The following CTNNAL1 variants were observed in gnomAD, a reference collection of about 807,000 sequenced individuals.
The protein encoded by CTNNAL1 is catenin alpha like 1.
CTNNAL1 carries 69 observed loss-of-function variants against 93.6 expected under a neutral mutation model. The ratio of observed to expected loss-of-function variants is 0.74; its 90% CI spans 0.61 to 0.90. The LOEUF is 0.90. CTNNAL1 is among the 40% of genes least tolerant of loss of function. The probability of loss-of-function intolerance (pLI) is 0.00; values close to 1 mark genes in which losing one functional copy is unlikely to be tolerated. For synonymous variants in CTNNAL1, 286 were observed against 305.4 expected (o/e 0.94, Z 0.66); for missense variants, 836 against 862.0 (o/e 0.97, Z 0.38).
chr9:108,978,064 C>T (rs1351293867), intron 7 of CTNNAL1, among the ~76,000 whole-genome samples: 2 of 152,184 alleles, frequency 1.3e-5, no homozygotes, highest in South Asian at 4.1e-4. Context: ...GGTAAATTTG[C>T]TAAATTTGTG....
intron 11 of CTNNAL1, among the ~76,000 whole-genome samples, chr9:108,960,721 G>C (rs1235620625): frequency 6.6e-6 from 1 of 152,138 alleles, no homozygotes; most frequent in African/African-American, 2.4e-5. Context: ...CTGAGATAAG[G>C]CTTTTTTCTG....
chr9:108,943,828 T>C lies in CTNNAL1; in HGVS notation c.1942-12A>G. ...TCATCGTCTTTCAGCTGAAATGTAA[T>C]TTAACAAGTTATAACAGCCCGCAAC... On this transcript the variant is annotated splice_polypyrimidine_tract_variant and intron_variant, in intron 16 of 18. Coordinates refer to ENST00000325551, the MANE Select transcript of CTNNAL1 (RefSeq NM_003798.4). 6.2e-7 allele frequency: 1 copy of C among 1,611,918 alleles called. No homozygotes were observed. The highest frequency in any genetic ancestry group is 8.5e-7 in the Non-Finnish European group (1 of 1,179,272).
Position 108,972,840 on chromosome 9 carries a change from A to ATG in CTNNAL1, c.1189-9_1189-8dup. 2 of 436,654 alleles carry ATG rather than the reference A, an allele frequency of 4.6e-6. No homozygotes were observed. The highest frequency in any genetic ancestry group is 8.9e-5 in the East Asian group (1 of 11,220). The allele number at this position is 436,654 out of a possible 1,614,324, so 27.0% of individuals were successfully genotyped here. A position where few individuals can be genotyped will look rare whatever the true frequency, so the allele number is the denominator to read the frequency against. On this transcript the variant is annotated splice_region_variant and splice_polypyrimidine_tract_variant and intron_variant, in intron 8 of 18. Transcript: ENST00000325551. ...GTGTCGCTGTACTATGAAGCTGCAG[A>ATG]TGTGTGTGTGGGTGGGGGGGTGGGA...
intron 10 of CTNNAL1, among the ~76,000 whole-genome samples, chr9:108,965,756 C>T (rs1286849306): frequency 2.0e-5 from 3 of 152,180 alleles, no homozygotes; most frequent in African/African-American, 4.8e-5. Flanking sequence ...TTATTATATA[C>T]AAACCTGCAT....
At chr9:108,948,335 T>C in intron 14 of CTNNAL1, 101 bp from the exon 15 acceptor site, 1 of 1,130,590 alleles carries the variant, frequency 8.8e-7, no homozygotes, top group Admixed American at 2.8e-5. Flanking sequence ...TAACAAATCC[T>C]AAATTTTGAA....
At chr9:108,979,190 C>T in intron 7 of CTNNAL1, 91 bp downstream of exon 7, 1 of 1,489,550 alleles carries the variant, frequency 6.7e-7, no homozygotes, top group Non-Finnish European at 9.1e-7. Flanking sequence ...CAAATTCATA[C>T]TCCTGGTGAT....
chr9:108,983,497 G>T (rs1175914322), intron 5 of CTNNAL1, among the ~76,000 whole-genome samples, 182 bp from the exon 6 acceptor site: 1 of 152,042 alleles, frequency 6.6e-6, no homozygotes. Context: ...GCGATAGCAA[G>T]GTTAAATAAA....
At chr9:108,996,014 T>G (rs752026181) in intron 2 of CTNNAL1, among the ~76,000 whole-genome samples, 1 of 151,608 alleles carries the variant, frequency 6.6e-6, no homozygotes, top group African/African-American at 2.4e-5. Flanking sequence ...CAGGCTGGAG[T>G]GCAGTGGCAC....
intron 1 of CTNNAL1, among the ~76,000 whole-genome samples, chr9:109,001,839 C>A (rs1231418973): frequency 6.6e-6 from 1 of 152,184 alleles, no homozygotes; most frequent in African/African-American, 2.4e-5. Flanking sequence ...CTAGAATTAA[C>A]CCACAGAAAC....
chr9:108,998,377 C>T (rs1832099399), intron 2 of CTNNAL1, among the ~76,000 whole-genome samples: 1 of 150,698 alleles, frequency 6.6e-6, no homozygotes, highest in Non-Finnish European at 1.5e-5. Flanking sequence ...GTTCTCCTAA[C>T]TCTTACCTTG....
intron 12 of CTNNAL1, 85 bp downstream of exon 12, chr9:108,955,705 T>G: frequency 8.6e-7 from 1 of 1,157,176 alleles, no homozygotes; most frequent in South Asian, 1.3e-5. Context: ...TTATTTGTGG[T>G]AGAGGGGAGC....
In CTNNAL1 at chr9:108,943,047, A is replaced by G. The variant is rs1346160003; in HGVS notation, c.2056-3T>C. 1.2e-6 allele frequency: 2 copies of G among 1,604,826 alleles called. No homozygotes were observed. The highest frequency in any genetic ancestry group is 1.1e-5 in the South Asian group (1 of 88,354). On this transcript the variant is annotated splice_polypyrimidine_tract_variant and splice_region_variant and intron_variant, in intron 17 of 18. Transcript: ENST00000325551. ...GTCTTCGTAATACACTTGTCAACCT[A>G]CAATGACAAAAAGCATGCAAATGAT...
chr9:108,950,448 A>G, intron 14 of CTNNAL1: 5 of 1,523,866 alleles, frequency 3.3e-6, no homozygotes, highest in African/African-American at 1.4e-5. Flanking sequence ...GTACTGACAA[A>G]TGACAGCTAA....
chr9:108,999,192 T>C lies in CTNNAL1; in HGVS notation c.206A>G (p.Gln69Arg). Residue 69 changes from glutamine to arginine, a missense_variant, in exon 2 of 19, where the codon CAG becomes CGG. Gln to Arg is a conservative substitution (Grantham distance 43). Transcript: ENST00000325551. Reference protein sequence around the residue: ...KKSDKTLQAIQRVGQAVNLAV... With the variant: ...KKSDKTLQAIRRVGQAVNLAV... Reference sequence around the variant, plus strand: ...CAAGTTGACAGCTTGTCCTACACGCTGAATTGCTTGCAGAGTTTTATCAGA... The same window carrying C: ...CAAGTTGACAGCTTGTCCTACACGCCGAATTGCTTGCAGAGTTTTATCAGA... 1.9e-6 allele frequency: 3 copies of C among 1,613,220 alleles called. No individual in the cohort carries two copies. Among genetic ancestry groups the C allele is most frequent in the Non-Finnish European group, 2.5e-6 (3 of 1,179,634 alleles).
Position 108,943,824 on chromosome 9 carries a change from G to A in CTNNAL1, c.1942-8C>T. The A allele has an allele frequency of 6.2e-7, 1 of 1,611,826 alleles. No homozygotes were observed. The highest frequency in any genetic ancestry group is 8.5e-7 in the Non-Finnish European group (1 of 1,179,252). On this transcript the variant is annotated splice_region_variant and splice_polypyrimidine_tract_variant and intron_variant, in intron 16 of 18. Coordinates refer to ENST00000325551, the MANE Select transcript of CTNNAL1 (RefSeq NM_003798.4). Reference sequence around the variant, plus strand: ...CTTGTCATCGTCTTTCAGCTGAAATGTAATTTAACAAGTTATAACAGCCCG... The same window carrying A: ...CTTGTCATCGTCTTTCAGCTGAAATATAATTTAACAAGTTATAACAGCCCG...
chr9:108,993,232 C>G (rs1831881839), intron 2 of CTNNAL1, among the ~76,000 whole-genome samples: 1 of 152,188 alleles, frequency 6.6e-6, no homozygotes, highest in African/African-American at 2.4e-5. Flanking sequence ...AGTCAGGGGT[C>G]ACTGCCAATC....
At chr9:109,003,149 G>C (rs1018953941) in intron 1 of CTNNAL1, among the ~76,000 whole-genome samples, 14 of 152,168 alleles carry the variant, frequency 9.2e-5, no homozygotes, top group African/African-American at 3.4e-4. Flanking sequence ...CCAAGGTGTT[G>C]CTTCAGACAA....
intron 2 of CTNNAL1, among the ~76,000 whole-genome samples, 200 bp downstream of exon 2, chr9:108,998,867 T>C (rs1832121001): frequency 6.6e-6 from 1 of 152,188 alleles, no homozygotes; most frequent in South Asian, 2.1e-4. Flanking sequence ...CTCTGACCAG[T>C]GAAGGAGTCC....
Position 108,959,598 on chromosome 9 carries a change from A to C in CTNNAL1, c.1592-3771T>G, listed in dbSNP as rs1830777369. On this transcript the variant is annotated intron_variant, in intron 11 of 18. Coordinates refer to ENST00000325551, the MANE Select transcript of CTNNAL1 (RefSeq NM_003798.4). The stretch of plus-strand genomic sequence containing the variant: ...TCTCCAAAATATAATAATAATAATA[A>C]AATAAACTGGCTAAATTATGTTTAG... Among the ~76,000 whole-genome samples the C allele has an allele frequency of 2.0e-5, 3 of 151,704 alleles. No individual in the cohort carries two copies. In the South Asian group the frequency reaches 6.3e-4, roughly 32 times the overall value.
Sources: allele counts gnomAD v4.1 joint callset (sites outside exome capture counted in the v4.1 genomes callset), GRCh38; gene constraint gnomAD v4.1.1; transcripts MANE v1.5; gene names NCBI Gene and HGNC (gene_info 2026-07-23, HGNC 2026-07-21).